Variants in FBXL7 observed in about 807,000 individuals in gnomAD.
FBXL7 encodes F-box and leucine rich repeat protein 7.
Under a neutral mutation model 38.3 loss-of-function variants are expected in FBXL7, and 12 were observed. The observed-to-expected ratio is 0.31, with a 90% confidence interval of 0.20 to 0.51. FBXL7 has a LOEUF of 0.51. FBXL7 is among the 20% of genes least tolerant of loss of function. FBXL7 has a pLI of 0.98. For missense variants in FBXL7, 567 were observed against 676.4 expected, an observed-to-expected ratio of 0.84 and a Z score of 1.79; for synonymous variants, 297 against 300.9, an observed-to-expected ratio of 0.99 and a Z score of 0.13.
At chr5:15,567,898 C>T (rs1156260232) in intron 1 of FBXL7, among the ~76,000 whole-genome samples, 2 of 152,232 alleles carry the variant, frequency 1.3e-5, no homozygotes, top group African/African-American at 2.4e-5. Flanking sequence ...TTTCCAGCTT[C>T]ATCCATGTCC....
At chr5:15,633,776 T>TA (rs1164500393) in intron 2 of FBXL7, among the ~76,000 whole-genome samples, 1 of 143,916 alleles carries the variant, frequency 6.9e-6, no homozygotes, top group Admixed American at 7.1e-5. Flanking sequence ...TTATTATTAT[T>TA]ATTTTATTAT....
chr5:15,659,841 AATATTATAGAAG>A (rs961779609), intron 2 of FBXL7, among the ~76,000 whole-genome samples: 5 of 152,226 alleles, frequency 3.3e-5, no homozygotes, highest in African/African-American at 1.2e-4. Flanking sequence ...AAGCAAAGTT[AATATTATAGAAG>A]ATATACACCA....
At chr5:15,797,086 C>CA (rs1318172255) in intron 2 of FBXL7, among the ~76,000 whole-genome samples, 4 of 152,044 alleles carry the variant, frequency 2.6e-5, no homozygotes, top group South Asian at 2.1e-4. Flanking sequence ...AAGTAAGTTT[C>CA]AAAAAAATGT....
chr5:15,712,720 A>G (rs1227308537), intron 2 of FBXL7, among the ~76,000 whole-genome samples: 1 of 152,136 alleles, frequency 6.6e-6, no homozygotes, highest in African/African-American at 2.4e-5. Context: ...GAAAGGAAAA[A>G]AGGAAGGAAG....
At chr5:15,651,100 CT>C (rs1430797556) in intron 2 of FBXL7, among the ~76,000 whole-genome samples, 1,574 of 128,258 alleles carry the variant, frequency 0.012, 7 homozygotes, top group African/African-American at 0.03. Context: ...TTTTTTTTTT[CT>C]TTTTTTTTTT....
chr5:15,545,949 T>G (rs971898185), intron 1 of FBXL7, among the ~76,000 whole-genome samples: 1 of 152,172 alleles, frequency 6.6e-6, no homozygotes, highest in Non-Finnish European at 1.5e-5. Flanking sequence ...CTACTGAACA[T>G]TTGAGATGTG....
chr5:15,785,837 T>C (rs770929892), intron 2 of FBXL7, among the ~76,000 whole-genome samples: 1 of 152,258 alleles, frequency 6.6e-6, no homozygotes, highest in Non-Finnish European at 1.5e-5. Context: ...TGGCACGCAT[T>C]GTGCCTGTTG....
chr5:15,842,129 C>T (rs1401741803), intron 2 of FBXL7, among the ~76,000 whole-genome samples: 1 of 152,180 alleles, frequency 6.6e-6, no homozygotes, highest in African/African-American at 2.4e-5. Flanking sequence ...ACACTCAACG[C>T]CATCAGTGAA....
chr5:15,741,533 T>C (rs1735893471), intron 2 of FBXL7, among the ~76,000 whole-genome samples: 1 of 152,152 alleles, frequency 6.6e-6, no homozygotes, highest in African/African-American at 2.4e-5. Context: ...TTATAGGAGA[T>C]TGAAAGATTC....
chr5:15,501,211 A>G (rs369392180), intron 1 of FBXL7, among the ~76,000 whole-genome samples: 1 of 152,112 alleles, frequency 6.6e-6, no homozygotes, highest in South Asian at 2.1e-4. Flanking sequence ...CTAAGCACCT[A>G]TCAGTCCTGC....
Position 15,928,086 on chromosome 5 carries a change from G to A in FBXL7, c.324G>A (p.Gln108=). 6.3e-7 allele frequency: 1 copy of A among 1,597,254 alleles called. No individual in the cohort carries two copies. Among genetic ancestry groups the A allele is most frequent in the East Asian group, 2.3e-5 (1 of 44,218 alleles). Residue 108 remains glutamine, a synonymous_variant, in exon 3 of 4, where the codon CAG becomes CAA. Transcript: ENST00000504595. This position sits in a 1 kb window ranked among gnomAD's most constrained non-coding sequence, Gnocchi z 4.0. ...HPLIRLASRP[Q]KEQASIDRLP... ...TCATCCGGCTCGCCTCCAGACCCCA[G>A]AAGGAGCAGGCCAGCATAGACCGGC...
chr5:15,667,844 C>T (rs1742336519), intron 2 of FBXL7, among the ~76,000 whole-genome samples: 1 of 152,114 alleles, frequency 6.6e-6, no homozygotes, highest in African/African-American at 2.4e-5. Flanking sequence ...TTTGGGCCTT[C>T]ATTTATTTTT....
chr5:15,912,489 G>A (rs1181319921), intron 2 of FBXL7, among the ~76,000 whole-genome samples: 4 of 149,372 alleles, frequency 2.7e-5, no homozygotes, highest in Admixed American at 2.0e-4. Context: ...CGTCTTCTGC[G>A]TCGCTCACGC....
chr5:15,912,586 T>G (rs1005493905), intron 2 of FBXL7, among the ~76,000 whole-genome samples: 2 of 152,188 alleles, frequency 1.3e-5, no homozygotes, highest in Non-Finnish European at 2.9e-5. Context: ...GTATTTCAGT[T>G]TGCTTGAATT....
chr5:15,885,259 A>C (rs1332953830), intron 2 of FBXL7, among the ~76,000 whole-genome samples: 1 of 152,228 alleles, frequency 6.6e-6, no homozygotes, highest in Non-Finnish European at 1.5e-5. Flanking sequence ...ATGCCTCTCC[A>C]CAGGGCAGGT....
rs1482939425 is a variant in FBXL7, at chr5:15,939,215, G to A, written c.*2029G>A. ...ATGGGGGAAATGAATCATTTAGCTA[G>A]GCCAGGATCTAGTGAAAGCCACAGA... On this transcript the variant is annotated 3_prime_UTR_variant, in exon 4 of 4. Transcript: ENST00000504595. 2.0e-5 allele frequency: 8 copies of A among 396,038 alleles called. No homozygotes were observed. The highest frequency in any genetic ancestry group is 3.1e-5 in the Non-Finnish European group (7 of 224,764). 24.5% of individuals were successfully genotyped at this position (396,038 alleles called of 1,614,324 possible).
At chr5:15,832,967 C>T (rs1464601061) in intron 2 of FBXL7, among the ~76,000 whole-genome samples, 3 of 152,022 alleles carry the variant, frequency 2.0e-5, no homozygotes, top group Admixed American at 6.6e-5. Context: ...GAATAAGCCT[C>T]ATGATATCTG....
intron 2 of FBXL7, among the ~76,000 whole-genome samples, chr5:15,844,090 T>C (rs987400117): frequency 2.6e-5 from 4 of 152,118 alleles, no homozygotes; most frequent in African/African-American, 9.7e-5. Context: ...TACTCCCAAC[T>C]GTGGCAATTT....
At position 15,719,740 on chromosome 5, in the gene FBXL7, TC is replaced by T. The variant is rs1306927102; in HGVS notation, c.127+103669del. 2.0e-5 allele frequency among the ~76,000 whole-genome samples: 3 copies of T among 148,950 alleles called. 1 individual carries two copies. The highest frequency in any genetic ancestry group is 4.5e-5 in the Non-Finnish European group (3 of 66,706). ...GACGGCACTTATTTGTCAATTAAAA[TC>T]TGTATGGCTGACTAAAGGAAACATC... On this transcript the variant is annotated intron_variant, in intron 2 of 3. Transcript: ENST00000504595.
Sources: gnomAD v4.1 joint callset for allele counts (sites outside exome capture counted in the v4.1 genomes callset) on GRCh38, gnomAD v4.1.1 for gene constraint, Gnocchi (gnomAD v3.1) non-coding constraint, MANE v1.5 for transcripts, NCBI Gene and HGNC (gene_info 2026-07-23, HGNC 2026-07-21) for gene names.